Variants in PHLPP1 observed in about 807,000 individuals in gnomAD.
The protein encoded by PHLPP1 is PH domain leucine-rich repeat-containing protein phosphatase 1.
In PHLPP1, 42 loss-of-function variants were observed where a neutral mutation model predicts 117.2. That is an observed-to-expected ratio of 0.36 (90% CI 0.28 to 0.46). The LOEUF is 0.46. Among genes scored for constraint, PHLPP1 ranks in the 20% least tolerant of loss-of-function variants. The pLI, the probability that PHLPP1 is intolerant of heterozygous loss-of-function variation, is 1.00. For missense variants in PHLPP1, 2,084 were observed against 2,241.9 expected (o/e 0.93, Z 1.42); for synonymous variants, 1,042 against 970.7 (o/e 1.07, Z -1.37).
intron 1 of PHLPP1, among the ~76,000 whole-genome samples, chr18:62,801,961 T>C (rs1187379311): frequency 1.3e-5 from 2 of 152,222 alleles, no homozygotes; most frequent in Non-Finnish European, 2.9e-5. Context: ...TTTTGACTTA[T>C]GTCTAGTACC....
In PHLPP1 at chr18:62,844,703, G is replaced by A. The variant is rs554956734; in HGVS notation, c.1899+5794G>A. On this transcript the variant is annotated intron_variant, in intron 3 of 16. Transcript: ENST00000262719. Reference sequence around the variant, plus strand: ...ACAACACCATTATCTATATGTGTGTGTTTTTTAAAGGGTGGACAGTTCAGA... The same window carrying A: ...ACAACACCATTATCTATATGTGTGTATTTTTTAAAGGGTGGACAGTTCAGA... Among the ~76,000 whole-genome samples the A allele has an allele frequency of 3.3e-5, 5 of 152,272 alleles. No homozygotes were observed. The East Asian group carries it at 9.7e-4, about 29-fold the overall frequency.
rs375626522 is a variant in PHLPP1, at chr18:62,979,135, C to T, written c.4858C>T (p.Arg1620Cys). The T allele has an allele frequency of 2.5e-4, 398 of 1,613,770 alleles. No individual in the cohort carries two copies. The highest frequency in any genetic ancestry group is 3.0e-4 in the Admixed American group (18 of 60,000). The change falls in exon 17 of 17, where the codon CGC (arginine) becomes TGC (cysteine). Residue 1620 changes from arginine (R) to cysteine (C), a missense_variant. Arg to Cys is a radical substitution (Grantham distance 180). Coordinates refer to ENST00000262719, the MANE Select transcript of PHLPP1 (RefSeq NM_194449.4). The part of the protein sequence containing the change: ...ADFSAVGTIG[R>C]RRANGSVAPQ... ...CTTCTCTGCCGTTGGGACCATTGGG[C>T]GCCGGAGGGCCAATGGCTCTGTTGC... is the stretch of plus-strand genomic sequence containing the variant.
chr18:62,966,432 A>G (rs1910906420), intron 14 of PHLPP1, among the ~76,000 whole-genome samples: 2 of 151,180 alleles, frequency 1.3e-5, no homozygotes, highest in African/African-American at 4.9e-5. Context: ...TATATTCAGT[A>G]AAATTCACCC....
chr18:62,866,431 G>A (rs1915773559), intron 4 of PHLPP1, among the ~76,000 whole-genome samples: 1 of 151,970 alleles, frequency 6.6e-6, no homozygotes, highest in Non-Finnish European at 1.5e-5. Context: ...TTTTAGTAGA[G>A]ACGGGGTTTT....
chr18:62,800,894 TAGAG>T (rs1237655624), intron 1 of PHLPP1, among the ~76,000 whole-genome samples: 5 of 152,104 alleles, frequency 3.3e-5, no homozygotes, highest in South Asian at 4.1e-4. Flanking sequence ...GGAGGAGACA[TAGAG>T]AGAAGTTCAG....
rs973706041 is a variant in PHLPP1, at chr18:62,868,521, C to G, written c.2066+7920C>G. Among the ~76,000 whole-genome samples the G allele has an allele frequency of 2.0e-5, 3 of 150,724 alleles. No individual in the cohort carries two copies. The Admixed American group carries it at 2.0e-4, about 10-fold the overall frequency. On this transcript the variant is annotated intron_variant, in intron 4 of 16. Coordinates refer to ENST00000262719, the MANE Select transcript of PHLPP1 (RefSeq NM_194449.4). ...CCTATAATCCCAGCTCCTCAGGAGG[C>G]TAAGGCAAGAGAATCGCTTGAACCT...
chr18:62,919,893 G>T, intron 9 of PHLPP1, 66 bp from the exon 10 acceptor site: 1 of 1,148,436 alleles, frequency 8.7e-7, no homozygotes, highest in South Asian at 1.4e-5. Flanking sequence ...TGTGATTTTT[G>T]GAGAGGTAAT....
intron 1 of PHLPP1, among the ~76,000 whole-genome samples, chr18:62,792,714 T>C (rs1315551934): frequency 2.0e-5 from 3 of 151,196 alleles, no homozygotes; most frequent in African/African-American, 7.3e-5. Context: ...TTACAAAAAA[T>C]TTATTAGCCA....
chr18:62,817,249 G>A (rs559654596), intron 1 of PHLPP1, among the ~76,000 whole-genome samples: 135 of 152,234 alleles, frequency 8.9e-4, no homozygotes, highest in African/African-American at 3.2e-3. Context: ...TGGCTCTGTG[G>A]AACTCAACTA....
intron 3 of PHLPP1, among the ~76,000 whole-genome samples, chr18:62,859,686 G>A (rs1313606299): frequency 6.6e-6 from 1 of 152,064 alleles, no homozygotes; most frequent in Non-Finnish European, 1.5e-5. Flanking sequence ...TTAGATCTTA[G>A]TATCTGTCTC....
chr18:62,783,288 C>T (rs1052684151), intron 1 of PHLPP1, among the ~76,000 whole-genome samples: 10 of 140,002 alleles, frequency 7.1e-5, no homozygotes, highest in African/African-American at 1.3e-4. Context: ...AGCACAGTGG[C>T]GTGATCTTGG....
intron 1 of PHLPP1, among the ~76,000 whole-genome samples, chr18:62,765,955 G>A (rs893352145): frequency 1.0e-4 from 15 of 148,828 alleles, no homozygotes; most frequent in Admixed American, 7.3e-4. Flanking sequence ...CCGAGATTGC[G>A]CCACTGCACT....
intron 1 of PHLPP1, among the ~76,000 whole-genome samples, chr18:62,746,797 G>T (rs1385976411): frequency 6.6e-6 from 1 of 150,944 alleles, no homozygotes; most frequent in Admixed American, 6.6e-5. Context: ...TATTATAAAT[G>T]GTGTATTAAA....
At chr18:62,940,181 T>G (rs2144451199) in intron 10 of PHLPP1, among the ~76,000 whole-genome samples, 1 of 151,820 alleles carries the variant, frequency 6.6e-6, no homozygotes, top group Non-Finnish European at 1.5e-5. Context: ...CCCTTTGGAG[T>G]GATTTGGAAC....
At chr18:62,795,606 C>A (rs574014467) in intron 1 of PHLPP1, among the ~76,000 whole-genome samples, 273 of 152,068 alleles carry the variant, frequency 1.8e-3, no homozygotes, top group African/African-American at 6.4e-3. Flanking sequence ...TAGTTGACCT[C>A]TTCTCTACAG....
chr18:62,768,790 GA>G (rs961636681), intron 1 of PHLPP1, among the ~76,000 whole-genome samples: 5 of 151,862 alleles, frequency 3.3e-5, no homozygotes, highest in South Asian at 2.1e-4. Context: ...GGAGATGGGG[GA>G]AAAAAAGACT....
At chr18:62,951,806 T>A (rs1910466375) in intron 12 of PHLPP1, among the ~76,000 whole-genome samples, 1 of 144,238 alleles carries the variant, frequency 6.9e-6, no homozygotes, top group Admixed American at 7.2e-5. Context: ...AGGGCACACA[T>A]AATTAATTTT....
At chr18:62,843,795 G>T (rs1915111447) in intron 3 of PHLPP1, among the ~76,000 whole-genome samples, 1 of 152,218 alleles carries the variant, frequency 6.6e-6, no homozygotes, top group Non-Finnish European at 1.5e-5. Flanking sequence ...GGGCAGTGAA[G>T]TGAAAAGGCT....
intron 10 of PHLPP1, among the ~76,000 whole-genome samples, chr18:62,922,453 C>T (rs1159427795): frequency 5.3e-5 from 8 of 152,084 alleles, no homozygotes; most frequent in Non-Finnish European, 8.8e-5. Flanking sequence ...CTTGTTTTTA[C>T]GTTAATATCA....
Sources: allele counts gnomAD v4.1 joint callset (sites outside exome capture counted in the v4.1 genomes callset), GRCh38; gene constraint gnomAD v4.1.1; transcripts MANE v1.5; gene names NCBI Gene and HGNC (gene_info 2026-07-23, HGNC 2026-07-21).